SDHA: variants seen among roughly 807,000 people sequenced by gnomAD.
The protein encoded by SDHA is succinate dehydrogenase complex flavoprotein subunit A, also known as succinate dehydrogenase [ubiquinone] flavoprotein subunit, mitochondrial.
SDHA carries 48 observed loss-of-function variants against 78.4 expected under a neutral mutation model. The observed-to-expected ratio is 0.61, with a 90% CI of 0.49 to 0.78. SDHA has a LOEUF of 0.78. SDHA is among the 30% of genes least tolerant of loss of function. The pLI is 0.00. For missense variants in SDHA, 680 were observed against 892.7 expected (o/e 0.76, Z 3.04); for synonymous variants, 326 against 353.9 (o/e 0.92, Z 0.88).
At chr5:222,410 C>T (rs1437975754) in intron 1 of SDHA, among the ~76,000 whole-genome samples, 1 of 150,128 alleles carries the variant, frequency 6.7e-6, no homozygotes, top group East Asian at 2.0e-4. Flanking sequence ...TGCAGTGGCA[C>T]AGTCTAGGCT....
intron 8 of SDHA, chr5:233,897 A>G (rs571968014): frequency 2.1e-6 from 1 of 465,904 alleles, no homozygotes; most frequent in East Asian, 4.1e-5. Context: ...GTGACGGAGT[A>G]TGGGAGAGAG....
chr5:264,522 G>A, the SDHA span, among the ~76,000 whole-genome samples: 44 of 136,370 alleles, frequency 3.2e-4, no homozygotes, highest in East Asian at 5.2e-3. Context: ...GGTCAATTCC[G>A]GGCACCCCGG....
At chr5:240,631 TCA>T (rs1446848182) in intron 11 of SDHA, among the ~76,000 whole-genome samples, 155 bp downstream of exon 11, 2 of 152,134 alleles carry the variant, frequency 1.3e-5, no homozygotes, top group African/African-American at 4.8e-5. Context: ...CATGTACCCG[TCA>T]CACAAGTCGT....
rs185296811 is a variant in SDHA at position 234,014 on chromosome 5, G to T, written c.1064+369G>T. ...AAGTGTGTGGGTTATTTGGCTTTCA[G>T]TAAAACAGTTTGCAGCTCTTTCATT... On this transcript the variant is annotated intron_variant, in intron 8 of 14. Transcript: ENST00000264932. 162 of 304,392 alleles carry T rather than the reference G, an allele frequency of 5.3e-4. No individual in the cohort carries two copies. In the East Asian group the frequency reaches 7.5e-3, roughly 14 times the overall value. The allele number at this position is 304,392 out of a possible 1,614,324, so 18.9% of individuals were successfully genotyped here.
chr5:254,052 T>A (rs1333770442), intron 13 of SDHA, among the ~76,000 whole-genome samples: 1 of 149,204 alleles, frequency 6.7e-6, no homozygotes, highest in Non-Finnish European at 1.5e-5. Flanking sequence ...AAAAAAAAAT[T>A]TTTTTTTAAT....
chr5:258,190 G>C (rs186958647), downstream of SDHA, among the ~76,000 whole-genome samples: 1 of 84,658 alleles, frequency 1.2e-5, no homozygotes, highest in Non-Finnish European at 2.1e-5. Flanking sequence ...AGCATTACTG[G>C]GTGAGCTCCA....
Position 225,545 on chromosome 5 carries a change from C to T in SDHA, c.439C>T (p.Pro147Ser), listed in dbSNP as rs1734963793. Reference sequence around the variant, plus strand: ...CATCCACTACATGACGGAGCAGGCCCCCGCCGCCGTGGTCGAGGTGATGGG... The same window carrying T: ...CATCCACTACATGACGGAGCAGGCCTCCGCCGCCGTGGTCGAGGTGATGGG... The part of the protein sequence containing the change: ...DAIHYMTEQA[P>S]AAVVELENYG... Residue 147 changes from proline to serine, a missense_variant, in exon 4 of 15, where the codon CCC (proline) becomes TCC (serine). Pro to Ser is a moderately conservative substitution (Grantham distance 74, BLOSUM62 -1). Transcript: ENST00000264932. 1.9e-6 allele frequency: 3 copies of T among 1,613,800 alleles called. No homozygotes were observed. Among genetic ancestry groups the T allele is most frequent in the African/African-American group, 2.7e-5 (2 of 74,904 alleles).
At chr5:252,613 CCAG>C (rs1207839987) in intron 13 of SDHA, among the ~76,000 whole-genome samples, 6 of 139,596 alleles carry the variant, frequency 4.3e-5, no homozygotes, top group African/African-American at 1.3e-4. Flanking sequence ...GGAGGAAATG[CCAG>C]TTTATTAACG....
the SDHA span, among the ~76,000 whole-genome samples, chr5:266,719 C>T: frequency 8.1e-4 from 105 of 130,232 alleles, no homozygotes; most frequent in Non-Finnish European, 5.0e-4. Flanking sequence ...TGAGCTGTGT[C>T]TAAGACAGTC....
downstream of SDHA, among the ~76,000 whole-genome samples, chr5:259,471 C>CCA (rs2126654130): frequency 4.5e-5 from 1 of 22,192 alleles, no homozygotes; most frequent in South Asian, 1.9e-3. Flanking sequence ...CCGCCTCCTG[C>CCA]CAGAGCATTA....
At chr5:232,567 C>G (rs1181472451) in intron 7 of SDHA, among the ~76,000 whole-genome samples, 2 of 152,006 alleles carry the variant, frequency 1.3e-5, no homozygotes, top group Non-Finnish European at 2.9e-5. Flanking sequence ...TGTCACTGAG[C>G]CCCTGAATTC....
At chr5:223,959 G>A (rs1442176462) in intron 2 of SDHA, among the ~76,000 whole-genome samples, 2 of 150,878 alleles carry the variant, frequency 1.3e-5, no homozygotes, top group African/African-American at 5.0e-5. Context: ...GGGGCCCCTC[G>A]GGTGTGGGTT....
At chr5:263,177 C>G in the SDHA span, among the ~76,000 whole-genome samples, 1 of 152,174 alleles carries the variant, frequency 6.6e-6, no homozygotes, top group African/African-American at 2.4e-5. Flanking sequence ...TGGGCTCAAG[C>G]AGTCCTCCTG....
In SDHA at chr5:223,535, G is replaced by A. The variant is rs2126539757; in HGVS notation, c.117G>A (p.Gly39=). The change falls in exon 2 of 15, where the codon GGG becomes GGA. Residue 39 remains glycine, a synonymous_variant. Transcript: ENST00000264932. The part of the protein sequence containing the change: ...GTRGFHFTVD[G]NKRASAKVSD... ...GAGGTTTTCACTTCACTGTTGATGG[G>A]AACAAGAGGGCATCTGCTAAAGTTT... is the stretch of plus-strand genomic sequence containing the variant. 1 of 1,613,756 alleles carries A rather than the reference G, an allele frequency of 6.2e-7. No homozygotes were observed. The highest frequency in any genetic ancestry group is 8.5e-7 in the Non-Finnish European group (1 of 1,179,660).
At chr5:219,520 C>G (rs1320636706) in intron 1 of SDHA, among the ~76,000 whole-genome samples, 1 of 152,184 alleles carries the variant, frequency 6.6e-6, no homozygotes, top group Non-Finnish European at 1.5e-5. Flanking sequence ...TTTTGAAATA[C>G]TTATTAAAAA....
Sources: gnomAD v4.1 joint callset for allele counts (sites outside exome capture counted in the v4.1 genomes callset) on GRCh38, gnomAD v4.1.1 for gene constraint, MANE v1.5 for transcripts, NCBI Gene and HGNC (gene_info 2026-07-23, HGNC 2026-07-21) for gene names.